SNX25: variants seen among roughly 807,000 people sequenced by gnomAD.
The protein encoded by SNX25 is sorting nexin 25, also known as sorting nexin-25.
Under a neutral mutation model 113.7 loss-of-function variants are expected in SNX25, and 62 were observed. The observed-to-expected ratio is 0.55, with a 90% CI of 0.44 to 0.67. The LOEUF (loss-of-function observed/expected upper bound fraction) is 0.67, where lower values mean the gene tolerates loss of function less well. Ranked by LOEUF, SNX25 falls within the 30% of genes least tolerant of loss-of-function variation. SNX25 has a pLI of 0.00. For missense variants in SNX25, 1,014 were observed against 1,161.0 expected (o/e 0.87, Z 1.84); for synonymous variants, 421 against 436.2 (o/e 0.97, Z 0.43).
At chr4:185,376,434 G>T in the SNX25 span, among the ~76,000 whole-genome samples, 1 of 145,110 alleles carries the variant, frequency 6.9e-6, no homozygotes, top group Non-Finnish European at 1.5e-5. Context: ...GTGCCACCAT[G>T]CCCAGCTACT....
intron 11 of SNX25, among the ~76,000 whole-genome samples, chr4:185,340,100 C>T (rs2095252274): frequency 6.6e-6 from 1 of 152,168 alleles, no homozygotes; most frequent in Non-Finnish European, 1.5e-5. Flanking sequence ...CCCTGCCCTA[C>T]TGTCTGTCAA....
chr4:185,366,182 T>A (rs1460938167), downstream of SNX25: 1 of 152,232 alleles, frequency 6.6e-6, no homozygotes, highest in Non-Finnish European at 1.5e-5. Flanking sequence ...TGCATATGGA[T>A]CTTACTGTTT....
chr4:185,327,113 C>A (rs554421144), intron 9 of SNX25, among the ~76,000 whole-genome samples: 1 of 152,158 alleles, frequency 6.6e-6, no homozygotes, highest in African/African-American at 2.4e-5. Flanking sequence ...CAAAAGTATA[C>A]GTAAAATGTT....
At chr4:185,338,816 C>G (rs1390698746) in intron 10 of SNX25, among the ~76,000 whole-genome samples, 1 of 152,016 alleles carries the variant, frequency 6.6e-6, no homozygotes, top group Non-Finnish European at 1.5e-5. Flanking sequence ...GGCTATATTC[C>G]CTTGTTCTAT....
At chr4:185,215,593 CT>C (rs1738679167) in intron 1 of SNX25, among the ~76,000 whole-genome samples, 1 of 152,052 alleles carries the variant, frequency 6.6e-6, no homozygotes, top group South Asian at 2.1e-4. Context: ...CTTTATTATG[CT>C]AATGTGATAA....
chr4:185,277,084 G>A (rs1403802661), intron 5 of SNX25, among the ~76,000 whole-genome samples: 2 of 152,156 alleles, frequency 1.3e-5, no homozygotes, highest in Non-Finnish European at 2.9e-5. Context: ...GAGTGCAGTG[G>A]CACAATCTCA....
At chr4:185,281,932 C>T (rs1282257511) in intron 5 of SNX25, among the ~76,000 whole-genome samples, 1 of 152,074 alleles carries the variant, frequency 6.6e-6, no homozygotes, top group Non-Finnish European at 1.5e-5. Context: ...ATGAGAATCG[C>T]TTGAACCTGG....
intron 5 of SNX25, among the ~76,000 whole-genome samples, chr4:185,286,233 A>G (rs928891794): frequency 3.3e-5 from 5 of 152,108 alleles, no homozygotes; most frequent in Non-Finnish European, 7.4e-5. Context: ...CTTCTGCCTC[A>G]GCCTCCATAG....
At chr4:185,341,628 C>T (rs1305379125) in intron 11 of SNX25, among the ~76,000 whole-genome samples, 1 of 152,150 alleles carries the variant, frequency 6.6e-6, no homozygotes, top group East Asian at 1.9e-4. Context: ...CAAGCTTATT[C>T]AGATTGTTGG....
Position 185,334,845 on chromosome 4 carries a change from T to C in SNX25, c.1914+2086T>C, listed in dbSNP as rs1429755085. On this transcript the variant is annotated intron_variant, in intron 10 of 18. Transcript: ENST00000652585. The surrounding 1 kb of genome is among the most constrained non-coding windows in gnomAD (Gnocchi z 4.2). ...TTAACTTGAACTCTACTCTCTGATC[T>C]ACATTTGCTGTGTAATCAGATTGTC... 6.6e-6 allele frequency among the ~76,000 whole-genome samples: 1 copy of C among 152,192 alleles called. No individual in the cohort carries two copies. The highest frequency in any genetic ancestry group is 1.5e-5 in the Non-Finnish European group (1 of 68,034).
At chr4:185,308,034 C>T (rs950365613) in intron 6 of SNX25, among the ~76,000 whole-genome samples, 4 of 152,220 alleles carry the variant, frequency 2.6e-5, no homozygotes, top group African/African-American at 7.2e-5. Flanking sequence ...GCTGGCATTA[C>T]AGGTGGGGGC....
downstream of SNX25, chr4:185,374,265 A>G: frequency 6.2e-7 from 1 of 1,614,118 alleles, no homozygotes; most frequent in East Asian, 2.2e-5. Flanking sequence ...GAGGCATGTT[A>G]TTCTCGGTTT....
At chr4:185,362,369 C>T (rs112858471) in intron 17 of SNX25, 8 of 977,732 alleles carry the variant, frequency 8.2e-6, no homozygotes, top group African/African-American at 5.2e-5. Context: ...TAATTTTTAG[C>T]AAAATATTAA....
chr4:185,241,825 G>C (rs566875321), intron 1 of SNX25, among the ~76,000 whole-genome samples: 1 of 152,122 alleles, frequency 6.6e-6, no homozygotes, highest in Non-Finnish European at 1.5e-5. Context: ...GTCAGGAAGA[G>C]GTTGTCTTTA....
intron 3 of SNX25, among the ~76,000 whole-genome samples, chr4:185,260,169 C>G (rs924124804): frequency 4.0e-5 from 6 of 151,628 alleles, no homozygotes; most frequent in African/African-American, 1.5e-4. Context: ...TTAAGACCAA[C>G]TCAATTTTAT....
chr4:185,275,375 C>T (rs1325619295), intron 5 of SNX25, among the ~76,000 whole-genome samples: 1 of 152,084 alleles, frequency 6.6e-6, no homozygotes, highest in East Asian at 1.9e-4. Flanking sequence ...ATAGATAATA[C>T]ATGAGATTAA....
the SNX25 span, chr4:185,375,578 A>C: frequency 6.1e-5 from 72 of 1,176,036 alleles, no homozygotes; most frequent in Non-Finnish European, 7.6e-5. Context: ...ACTGACAATG[A>C]AATCTTAACC....
intron 3 of SNX25, among the ~76,000 whole-genome samples, chr4:185,263,478 C>T (rs2126536848): frequency 6.6e-6 from 1 of 152,294 alleles, no homozygotes; most frequent in Non-Finnish European, 1.5e-5. Context: ...TGGCTTTACA[C>T]ATTAGGATAG....
At chr4:185,367,044 C>T (rs968354645), downstream of SNX25, 15 of 778,008 alleles carry the variant, frequency 1.9e-5, no homozygotes, top group Non-Finnish European at 2.9e-5. Context: ...AATTCAAGAA[C>T]GAAGTAACAT....
Sources: gnomAD v4.1 joint callset for allele counts (sites outside exome capture counted in the v4.1 genomes callset) on GRCh38, gnomAD v4.1.1 for gene constraint, Gnocchi (gnomAD v3.1) non-coding constraint, MANE v1.5 for transcripts, NCBI Gene and HGNC (gene_info 2026-07-23, HGNC 2026-07-21) for gene names.